Variants in GMDS observed in about 807,000 individuals in gnomAD.
The protein encoded by GMDS is GDP-mannose 4,6 dehydratase.
A neutral mutation model predicts 49.9 loss-of-function variants in GMDS; 20 were observed. The ratio of observed to expected loss-of-function variants is 0.40; its 90% CI spans 0.28 to 0.58. GMDS has a LOEUF of 0.58. Among genes scored for constraint, GMDS ranks in the 20% least tolerant of loss-of-function variants. GMDS has a pLI of 0.42. For missense variants in GMDS, 362 were observed against 481.4 expected (o/e 0.75, Z 2.32); for synonymous variants, 177 against 178.6 (o/e 0.99, Z 0.07).
intron 9 of GMDS, among the ~76,000 whole-genome samples, chr6:1,721,164 AG>A (rs1408341041): frequency 6.6e-6 from 1 of 152,160 alleles, no homozygotes; most frequent in Admixed American, 6.5e-5. Flanking sequence ...CATCATTTAC[AG>A]AAAAATATTA....
intron 7 of GMDS, among the ~76,000 whole-genome samples, chr6:1,840,984 A>T (rs149837370): frequency 1.3e-5 from 2 of 152,312 alleles, no homozygotes; most frequent in East Asian, 3.9e-4. Context: ...GGACAGACGG[A>T]AACTTATGAG....
intron 7 of GMDS, among the ~76,000 whole-genome samples, chr6:1,753,533 C>T (rs988862923): frequency 6.6e-5 from 10 of 152,116 alleles, no homozygotes; most frequent in African/African-American, 2.2e-4. Flanking sequence ...CTGGACCAAG[C>T]GGATCTAATA....
intron 7 of GMDS, among the ~76,000 whole-genome samples, chr6:1,928,532 G>A (rs557395955): frequency 6.6e-6 from 1 of 152,262 alleles, no homozygotes; most frequent in East Asian, 1.9e-4. Flanking sequence ...ACAAAAGAAA[G>A]TTTTGGCTTC....
chr6:2,059,678 A>G (rs1389311861), intron 4 of GMDS, among the ~76,000 whole-genome samples: 6 of 113,520 alleles, frequency 5.3e-5, no homozygotes, highest in African/African-American at 2.0e-4. Flanking sequence ...ACTGCACTCC[A>G]GCCTGGGCGA....
At chr6:2,053,021 C>A (rs1462198984) in intron 4 of GMDS, among the ~76,000 whole-genome samples, 1 of 152,130 alleles carries the variant, frequency 6.6e-6, no homozygotes, top group Non-Finnish European at 1.5e-5. Flanking sequence ...TCCTTACATA[C>A]CACTTTTTGA....
At chr6:1,963,523 C>A (rs1475426708) in intron 4 of GMDS, among the ~76,000 whole-genome samples, 4 of 152,126 alleles carry the variant, frequency 2.6e-5, no homozygotes, top group African/African-American at 9.7e-5. Flanking sequence ...AGTTTTGTTT[C>A]ATGTACTTAA....
At chr6:1,637,204 G>A (rs1291565014) in intron 9 of GMDS, among the ~76,000 whole-genome samples, 1 of 152,230 alleles carries the variant, frequency 6.6e-6, no homozygotes, top group East Asian at 1.9e-4. Flanking sequence ...AGATTGTCAG[G>A]TGGCAAAGGG....
intron 1 of GMDS, among the ~76,000 whole-genome samples, chr6:2,219,788 G>A (rs1245931999): frequency 1.3e-5 from 2 of 152,078 alleles, no homozygotes; most frequent in Non-Finnish European, 2.9e-5. Flanking sequence ...CTGAGCAGCC[G>A]GGTCACTTCC....
chr6:1,823,781 TCCTGATA>T (rs1298800010), intron 7 of GMDS, among the ~76,000 whole-genome samples: 2 of 152,196 alleles, frequency 1.3e-5, no homozygotes, highest in African/African-American at 2.4e-5. Flanking sequence ...TTCATTAGAC[TCCTGATA>T]CTATGTTAGA....
Position 1,738,021 on chromosome 6 carries a change from CAT to C in GMDS, c.890+4445_890+4446del, listed in dbSNP as rs1767098941. 3.6e-4 allele frequency among the ~76,000 whole-genome samples: 18 copies of C among 50,352 alleles called. No individual in the cohort carries two copies. In the South Asian group the frequency reaches 3.8e-3, roughly 11 times the overall value. 33.0% of individuals were successfully genotyped at this position (50,352 alleles called of 152,430 possible). A position where few individuals can be genotyped will look rare whatever the true frequency, so the allele number is the denominator to read the frequency against. Reference sequence around the variant, plus strand: ...CCACACACACAGACACACATACACACATACACACACCACACACACACACCACA... The same window carrying C: ...CCACACACACAGACACACATACACACACACACACCACACACACACACCACA... On this transcript the variant is annotated intron_variant, in intron 8 of 10. Coordinates refer to ENST00000380815, the MANE Select transcript of GMDS (RefSeq NM_001500.4).
At chr6:2,190,986 C>A (rs1006264468) in intron 1 of GMDS, among the ~76,000 whole-genome samples, 4 of 152,144 alleles carry the variant, frequency 2.6e-5, no homozygotes, top group Non-Finnish European at 5.9e-5. Flanking sequence ...CACTCTCACC[C>A]ACAACTGCTG....
At chr6:1,818,866 T>C (rs1451680137) in intron 7 of GMDS, among the ~76,000 whole-genome samples, 1 of 152,148 alleles carries the variant, frequency 6.6e-6, no homozygotes, top group Non-Finnish European at 1.5e-5. Context: ...TGGCCTTTTG[T>C]TACTTCGCTT....
At chr6:1,789,525 CTTTTTTCTTTTTTTTTT>C (rs913840069) in intron 7 of GMDS, among the ~76,000 whole-genome samples, 3 of 112,764 alleles carry the variant, frequency 2.7e-5, no homozygotes, top group African/African-American at 1.3e-4. Flanking sequence ...TTTTCTTTTT[CTTTTTTCTTTTTTTTTT>C]TTTTTTTTTT....
intron 1 of GMDS, among the ~76,000 whole-genome samples, chr6:2,238,351 T>C (rs1287825728): frequency 1.3e-5 from 2 of 152,114 alleles, no homozygotes; most frequent in Non-Finnish European, 2.9e-5. Context: ...CCACTGCACT[T>C]CAAACTCCAG....
At chr6:1,686,614 C>G (rs570890864) in intron 9 of GMDS, among the ~76,000 whole-genome samples, 4 of 152,210 alleles carry the variant, frequency 2.6e-5, no homozygotes, top group Admixed American at 2.0e-4. Context: ...AGATCCCCCC[C>G]GGGTTGGCTT....
intron 7 of GMDS, among the ~76,000 whole-genome samples, chr6:1,801,099 C>A (rs1303374186): frequency 6.6e-6 from 1 of 152,208 alleles, no homozygotes; most frequent in East Asian, 1.9e-4. Flanking sequence ...GGAGCCCGGA[C>A]CATGAGGACC....
chr6:1,666,712 C>T (rs1471232704), intron 9 of GMDS, among the ~76,000 whole-genome samples: 13 of 152,204 alleles, frequency 8.5e-5, no homozygotes, highest in East Asian at 1.9e-4. Flanking sequence ...GGAGGTGTTG[C>T]GTAGTAGGCT....
chr6:2,205,007 T>G (rs1046864410), intron 1 of GMDS, among the ~76,000 whole-genome samples: 1 of 152,112 alleles, frequency 6.6e-6, no homozygotes, highest in Non-Finnish European at 1.5e-5. Flanking sequence ...TAATATTGAA[T>G]TTTTTTTACG....
In GMDS at chr6:1,834,047, T is replaced by C. The variant is rs138437545; in HGVS notation, c.772-91461A>G. 3.5e-3 allele frequency among the ~76,000 whole-genome samples: 528 copies of C among 152,276 alleles called. 3 individuals are homozygous for C. The highest frequency in any genetic ancestry group is 0.027 in the Middle Eastern group (8 of 294). On this transcript the variant is annotated intron_variant, in intron 7 of 10. Coordinates refer to ENST00000380815, the MANE Select transcript of GMDS (RefSeq NM_001500.4). ...GGTTAAAATTTACAAAAAAATTAAA[T>C]AGAAATTATTAAGAATTAGCACCTT...
Sources: gnomAD v4.1 joint callset for allele counts (sites outside exome capture counted in the v4.1 genomes callset) on GRCh38, gnomAD v4.1.1 for gene constraint, MANE v1.5 for transcripts, NCBI Gene and HGNC (gene_info 2026-07-23, HGNC 2026-07-21) for gene names.